KHDRBS2: variants seen among roughly 807,000 people sequenced by gnomAD.
KHDRBS2 encodes the protein KH domain-containing, RNA-binding, signal transduction-associated protein 2.
A neutral mutation model predicts 44.3 loss-of-function variants in KHDRBS2; 26 were observed. The observed-to-expected ratio is 0.59, with a 90% confidence interval of 0.43 to 0.81. KHDRBS2 has a LOEUF of 0.81. Among genes scored for constraint, KHDRBS2 ranks in the 40% least tolerant of loss-of-function variants. The probability of loss-of-function intolerance (pLI) is 0.00; values close to 1 mark genes in which losing one functional copy is unlikely to be tolerated. For missense variants in KHDRBS2, 476 were observed against 433.1 expected (o/e 1.10, Z -0.88); for synonymous variants, 194 against 151.1 (o/e 1.28, Z -2.08).
intron 2 of KHDRBS2, among the ~76,000 whole-genome samples, chr6:62,146,227 C>A (rs1051454057): frequency 6.6e-6 from 1 of 151,600 alleles, no homozygotes; most frequent in Admixed American, 6.6e-5. Context: ...TAAATTAATA[C>A]CTCCTAAAAA....
At chr6:62,091,098 G>A (rs1052184852) in intron 2 of KHDRBS2, among the ~76,000 whole-genome samples, 1 of 152,060 alleles carries the variant, frequency 6.6e-6, no homozygotes, top group African/African-American at 2.4e-5. Flanking sequence ...AATACTATCT[G>A]GGTGCCTGAT....
intron 2 of KHDRBS2, among the ~76,000 whole-genome samples, chr6:62,056,057 G>A (rs1427927540): frequency 6.6e-6 from 1 of 151,932 alleles, no homozygotes; most frequent in Non-Finnish European, 1.5e-5. Flanking sequence ...CATCTTTACG[G>A]CCTGTTGGTG....
chr6:62,184,861 C>T (rs1823110684), intron 1 of KHDRBS2, among the ~76,000 whole-genome samples: 1 of 151,660 alleles, frequency 6.6e-6, no homozygotes, highest in South Asian at 2.1e-4. Context: ...TCAAATTCAC[C>T]TCAGAAATAG....
At position 61,737,276 on chromosome 6, in the gene KHDRBS2, A is replaced by G. The variant is rs529859964; in HGVS notation, c.811-4512T>C. 4.2e-4 allele frequency among the ~76,000 whole-genome samples: 64 copies of G among 152,172 alleles called. No homozygotes were observed. In the South Asian group the frequency reaches 0.012, roughly 28 times the overall value. On this transcript the variant is annotated intron_variant, in intron 6 of 8. Coordinates refer to ENST00000281156, the MANE Select transcript of KHDRBS2 (RefSeq NM_152688.4). Reference sequence around the variant, plus strand: ...AGATGGAAATCTGTCCTGCTAACCTAAACTTTCATAAAGCATATAGTGCAA... The same window carrying G: ...AGATGGAAATCTGTCCTGCTAACCTGAACTTTCATAAAGCATATAGTGCAA...
At position 62,270,334 on chromosome 6, in the gene KHDRBS2, C is replaced by T. The variant is rs529758083; in HGVS notation, c.91+15524G>A. ...TCTCTCTCTCTCCCCCACCCACCCC[C>T]CGCCCACCTTTCTCTCTCTCGCCAT... On this transcript the variant is annotated intron_variant, in intron 1 of 8. Transcript: ENST00000281156. 9.5e-5 allele frequency among the ~76,000 whole-genome samples: 12 copies of T among 126,688 alleles called. 1 individual carries two copies. Among genetic ancestry groups the T allele is most frequent in the Admixed American group, 2.5e-4 (3 of 11,924 alleles). The allele number at this position is 126,688 out of a possible 152,430, so 83.1% of individuals were successfully genotyped here.
At chr6:61,702,552 G>A (rs1056335798) in intron 7 of KHDRBS2, among the ~76,000 whole-genome samples, 21 of 151,850 alleles carry the variant, frequency 1.4e-4, no homozygotes, top group Admixed American at 7.9e-4. Context: ...AACATTTGTC[G>A]AATGAATGAA....
At chr6:61,660,638 A>C in the KHDRBS2 span, among the ~76,000 whole-genome samples, 1 of 151,824 alleles carries the variant, frequency 6.6e-6, no homozygotes, top group South Asian at 2.1e-4. Flanking sequence ...AGAACAAATT[A>C]GAATTAAAGG....
At chr6:62,177,992 A>G (rs1309194671) in intron 1 of KHDRBS2, among the ~76,000 whole-genome samples, 1 of 151,474 alleles carries the variant, frequency 6.6e-6, no homozygotes, top group Non-Finnish European at 1.5e-5. Context: ...AAAATATTAA[A>G]TCTCTACTAG....
At chr6:61,819,581 T>A (rs1789547451) in intron 6 of KHDRBS2, among the ~76,000 whole-genome samples, 1 of 152,018 alleles carries the variant, frequency 6.6e-6, no homozygotes, top group Admixed American at 6.6e-5. Flanking sequence ...CTGTTCTTTC[T>A]GAGATAAAAT....
chr6:62,118,078 G>A (rs1243842678), intron 2 of KHDRBS2, among the ~76,000 whole-genome samples: 2 of 152,112 alleles, frequency 1.3e-5, no homozygotes, highest in African/African-American at 2.4e-5. Flanking sequence ...GTCTGGCCTT[G>A]ACTCAATTTT....
chr6:61,574,394 C>G, the KHDRBS2 span: 14 of 1,523,866 alleles, frequency 9.2e-6, no homozygotes, highest in Non-Finnish European at 1.1e-5. Flanking sequence ...CGTGAAGAGG[C>G]GGACATAATA....
chr6:61,626,648 T>C, the KHDRBS2 span, among the ~76,000 whole-genome samples: 1 of 152,224 alleles, frequency 6.6e-6, no homozygotes, highest in Non-Finnish European at 1.5e-5. Context: ...CAAAAAGAGT[T>C]ATTTCTATTC....
the KHDRBS2 span, among the ~76,000 whole-genome samples, chr6:61,622,834 G>A: frequency 5.3e-5 from 8 of 152,082 alleles, no homozygotes; most frequent in Admixed American, 3.3e-4. Context: ...CACCAAGAAC[G>A]TCAGTGGTAG....
At chr6:61,892,836 G>T (rs1435052346) in intron 6 of KHDRBS2, among the ~76,000 whole-genome samples, 1 of 152,090 alleles carries the variant, frequency 6.6e-6, no homozygotes, top group Non-Finnish European at 1.5e-5. Flanking sequence ...CAGGACATAG[G>T]CATGGGCAAG....
At chr6:61,654,581 T>C in the KHDRBS2 span, among the ~76,000 whole-genome samples, 2 of 151,286 alleles carry the variant, frequency 1.3e-5, no homozygotes, top group Non-Finnish European at 2.9e-5. Flanking sequence ...TAAAGGACTA[T>C]AATGCAGGGG....
chr6:61,996,695 C>G (rs1157229471), intron 3 of KHDRBS2, among the ~76,000 whole-genome samples: 1 of 152,082 alleles, frequency 6.6e-6, no homozygotes, highest in Admixed American at 6.6e-5. Flanking sequence ...ACCTATTGCT[C>G]TTTTTGAGTC....
chr6:62,094,706 G>A (rs1437577729), intron 2 of KHDRBS2, among the ~76,000 whole-genome samples: 2 of 151,824 alleles, frequency 1.3e-5, no homozygotes, highest in East Asian at 3.9e-4. Flanking sequence ...TTATATTTAA[G>A]TCTTTAATCC....
chr6:61,968,654 A>G (rs1770650160), intron 4 of KHDRBS2, among the ~76,000 whole-genome samples: 1 of 152,056 alleles, frequency 6.6e-6, no homozygotes, highest in Non-Finnish European at 1.5e-5. Flanking sequence ...GAGAAGCCTA[A>G]TACTAATTAC....
At chr6:61,891,000 G>A (rs1051275595) in intron 6 of KHDRBS2, among the ~76,000 whole-genome samples, 42 of 152,102 alleles carry the variant, frequency 2.8e-4, no homozygotes, top group African/African-American at 9.2e-4. Context: ...TATACTCTTA[G>A]GATTAGCTAT....
Sources: allele counts gnomAD v4.1 joint callset (sites outside exome capture counted in the v4.1 genomes callset), GRCh38; gene constraint gnomAD v4.1.1; transcripts MANE v1.5; gene names NCBI Gene and HGNC (gene_info 2026-07-23, HGNC 2026-07-21).